The following SLC8A1 variants were observed in gnomAD, a reference collection of about 807,000 sequenced individuals.
SLC8A1 encodes solute carrier family 8 member A1, also known as sodium/calcium exchanger 1.
SLC8A1 carries 18 observed loss-of-function variants against 68.3 expected under a neutral mutation model. That is an observed-to-expected ratio of 0.26 (90% CI 0.18 to 0.39). The LOEUF (loss-of-function observed/expected upper bound fraction) is 0.39, where lower values mean the gene tolerates loss of function less well. Ranked by LOEUF, SLC8A1 falls within the 10% of genes least tolerant of loss-of-function variation. The probability of loss-of-function intolerance (pLI) is 1.00; values close to 1 mark genes in which losing one functional copy is unlikely to be tolerated. For missense variants in SLC8A1, 985 were observed against 1,156.7 expected, an observed-to-expected ratio of 0.85 and a Z score of 2.15; for synonymous variants, 475 against 415.5, an observed-to-expected ratio of 1.14 and a Z score of -1.74.
At chr2:40,324,714 T>C (rs2149352186) in intron 2 of SLC8A1, among the ~76,000 whole-genome samples, 1 of 152,242 alleles carries the variant, frequency 6.6e-6, no homozygotes, top group East Asian at 1.9e-4. Flanking sequence ...CTCTCTTTTA[T>C]TCAGAGGCAT....
At chr2:40,242,054 G>T (rs575615713) in intron 2 of SLC8A1, among the ~76,000 whole-genome samples, 1 of 152,164 alleles carries the variant, frequency 6.6e-6, no homozygotes, top group East Asian at 1.9e-4. Flanking sequence ...AAATATTGAT[G>T]GGGCTATGAT....
intron 1 of SLC8A1, among the ~76,000 whole-genome samples, chr2:40,497,897 G>C (rs887581599): frequency 6.6e-6 from 1 of 152,032 alleles, no homozygotes; most frequent in African/African-American, 2.4e-5. Context: ...GCAACAACGT[G>C]GGGAATAGTA....
At chr2:40,458,162 A>T (rs1703134123) in intron 1 of SLC8A1, among the ~76,000 whole-genome samples, 1 of 152,206 alleles carries the variant, frequency 6.6e-6, no homozygotes, top group Non-Finnish European at 1.5e-5. Context: ...TACGTCTGGC[A>T]CAACTCAGTT....
chr2:40,451,489 C>A (rs1702476454), intron 1 of SLC8A1, among the ~76,000 whole-genome samples: 1 of 152,136 alleles, frequency 6.6e-6, no homozygotes, highest in Non-Finnish European at 1.5e-5. Context: ...GGAGAAGAGT[C>A]CAGTGGGTGG....
rs149354190 is a variant in SLC8A1, at chr2:40,431,220, A to G, written c.-24-916T>C. Among the ~76,000 whole-genome samples, 514 of 151,782 alleles carry G rather than the reference A, an allele frequency of 3.4e-3. 5 individuals carry two copies. The highest frequency in any genetic ancestry group is 0.012 in the African/African-American group (482 of 41,364). ...GGGTAAGCGCCTGGCAGGCTGTGGA[A>G]TCAGCGTCACCAACCTTAAAATGTT... On this transcript the variant is annotated intron_variant, in intron 1 of 7. Transcript: ENST00000406785.
At chr2:40,245,488 G>C (rs1037319112) in intron 2 of SLC8A1, among the ~76,000 whole-genome samples, 46 of 152,138 alleles carry the variant, frequency 3.0e-4, no homozygotes, top group African/African-American at 1.1e-3. Flanking sequence ...GGACAACATA[G>C]CAATCCTGGA....
intron 7 of SLC8A1, among the ~76,000 whole-genome samples, chr2:40,119,162 G>C (rs1172542729): frequency 6.6e-6 from 1 of 152,026 alleles, no homozygotes; most frequent in Non-Finnish European, 1.5e-5. Flanking sequence ...ATAATAATAG[G>C]TTCCTATTTT....
intron 6 of SLC8A1, among the ~76,000 whole-genome samples, chr2:40,145,432 C>G (rs1175804907): frequency 6.6e-6 from 1 of 152,158 alleles, no homozygotes. Flanking sequence ...CATCACAAGT[C>G]TGTATGTAAA....
chr2:40,246,369 G>T (rs1319677828), intron 2 of SLC8A1, among the ~76,000 whole-genome samples: 1 of 152,178 alleles, frequency 6.6e-6, no homozygotes, highest in Non-Finnish European at 1.5e-5. Flanking sequence ...GCAACTTTTG[G>T]CCAGAGTCAA....
chr2:40,481,041 T>G (rs1391955669), intron 1 of SLC8A1, among the ~76,000 whole-genome samples: 1 of 152,192 alleles, frequency 6.6e-6, no homozygotes, highest in Non-Finnish European at 1.5e-5. Flanking sequence ...TGACCTTAGA[T>G]GTAACTGTAT....
At chr2:40,219,121 T>G (rs1641454) in intron 2 of SLC8A1, among the ~76,000 whole-genome samples, 123,895 of 151,918 alleles carry the variant, frequency 0.82, 51,315 homozygotes, top group Middle Eastern at 0.88. Flanking sequence ...CTCCTAATCT[T>G]GGGGAACCCA....
chr2:40,323,562 T>C (rs2075460442), intron 2 of SLC8A1, among the ~76,000 whole-genome samples: 1 of 152,100 alleles, frequency 6.6e-6, no homozygotes, highest in Non-Finnish European at 1.5e-5. Flanking sequence ...TCCGTAAATA[T>C]TTGTCTGGCA....
chr2:40,097,348 A>G (rs1264354697), exon 8 of SLC8A1: 3 of 152,054 alleles, frequency 2.0e-5, no homozygotes, highest in African/African-American at 7.2e-5. Flanking sequence ...AATGATTTAT[A>G]CAGAATTGAC....
At chr2:40,273,881 TC>T (rs747977189) in intron 2 of SLC8A1, among the ~76,000 whole-genome samples, 3,056 of 140,908 alleles carry the variant, frequency 0.022, 128 homozygotes, top group African/African-American at 0.07. Context: ...TTTTTTTTTT[TC>T]CATTTTAGTT....
intron 7 of SLC8A1, among the ~76,000 whole-genome samples, chr2:40,125,670 T>C (rs1331565918): frequency 2.0e-5 from 3 of 152,164 alleles, no homozygotes; most frequent in Non-Finnish European, 4.4e-5. Context: ...GTTAAGAGAT[T>C]CATGTCCTTG....
At chr2:40,382,566 T>C (rs1310787857) in intron 2 of SLC8A1, among the ~76,000 whole-genome samples, 1 of 152,126 alleles carries the variant, frequency 6.6e-6, no homozygotes, top group African/African-American at 2.4e-5. Flanking sequence ...ACTAGTATTA[T>C]TTTCTTTTGA....
intron 2 of SLC8A1, among the ~76,000 whole-genome samples, chr2:40,338,081 C>G (rs1026767205): frequency 6.6e-6 from 1 of 151,188 alleles, no homozygotes; most frequent in African/African-American, 2.4e-5. Context: ...TTCTCTCTAT[C>G]TCTCTCTCTC....
At chr2:40,189,087 T>G (rs2051257259) in intron 2 of SLC8A1, among the ~76,000 whole-genome samples, 1 of 152,148 alleles carries the variant, frequency 6.6e-6, no homozygotes, top group Admixed American at 6.5e-5. Flanking sequence ...CAGATTTCTT[T>G]TTTTAAATAA....
At position 40,362,337 on chromosome 2, in the gene SLC8A1, G is replaced by C. The variant is rs568862736; in HGVS notation, c.1808+66136C>G. On this transcript the variant is annotated intron_variant, in intron 2 of 7. Coordinates refer to ENST00000406785, the Ensembl canonical transcript of SLC8A1. ...TTCCAGGGACACAAAACCAGTGTTA[G>C]CATAAATAATGACAGCCCAGATTTA... is the stretch of plus-strand genomic sequence containing the variant. 1.6e-4 allele frequency among the ~76,000 whole-genome samples: 24 copies of C among 152,164 alleles called. No individual in the cohort carries two copies. The South Asian group carries it at 4.6e-3, about 29-fold the overall frequency.
Sources: allele counts gnomAD v4.1 joint callset (sites outside exome capture counted in the v4.1 genomes callset), GRCh38; gene constraint gnomAD v4.1.1; transcripts MANE v1.5; gene names NCBI Gene and HGNC (gene_info 2026-07-23, HGNC 2026-07-21).